The following GPATCH1 variants were observed in gnomAD, a reference collection of about 807,000 sequenced individuals.
GPATCH1 encodes the protein G patch domain-containing protein 1.
GPATCH1 carries 73 observed loss-of-function variants against 114.9 expected under a neutral mutation model. The observed-to-expected ratio is 0.64, with a 90% CI of 0.53 to 0.77. The LOEUF (loss-of-function observed/expected upper bound fraction) is 0.77. Among genes scored for constraint, GPATCH1 ranks in the 30% least tolerant of loss-of-function variants. The pLI is 0.00. For missense variants in GPATCH1, 1,058 were observed against 1,144.3 expected, an observed-to-expected ratio of 0.92 and a Z score of 1.09; for synonymous variants, 391 against 428.4, an observed-to-expected ratio of 0.91 and a Z score of 1.08.
chr19:33,125,675 C>A (rs929835825), intron 18 of GPATCH1, among the ~76,000 whole-genome samples: 1 of 151,956 alleles, frequency 6.6e-6, no homozygotes, highest in Admixed American at 6.6e-5. Flanking sequence ...CATGCCCAGC[C>A]CTTAAAAAAA....
In GPATCH1 at chr19:33,093,500, G is replaced by A; in HGVS notation, c.436G>A (p.Asp146Asn). 1 of 1,613,800 alleles carries A rather than the reference G, an allele frequency of 6.2e-7. No individual in the cohort carries two copies. Among genetic ancestry groups the A allele is most frequent in the Non-Finnish European group, 8.5e-7 (1 of 1,179,852 alleles). The stretch of plus-strand genomic sequence containing the variant: ...TATTCCTGGAGCCACCCTCCTTGAT[G>A]ACCTCATAACGCCAGCAAAGTGAGC... ...APIPGATLLDDLITPAKLSVG... is the reference protein window; with the variant it reads ...APIPGATLLDNLITPAKLSVG... Residue 146 changes from aspartate to asparagine, a missense_variant, in exon 4 of 20, where the codon GAC (aspartate) becomes AAC (asparagine). Physicochemically the swap from Asp to Asn is conservative, Grantham distance 23 (BLOSUM62 1). This residue lies in a region of GPATCH1 where 893 missense variants were observed against 977.4 expected (regional missense o/e 0.91). Transcript: ENST00000170564.
chr19:33,130,259 A>C lies in GPATCH1; in HGVS notation c.*99A>C. ...CATTGTACAGAGTGTATTTATATGT[A>C]AATTCCTGCTGTAAAATAATTTTTA... On this transcript the variant is annotated 3_prime_UTR_variant, in exon 20 of 20. Coordinates refer to ENST00000170564, the MANE Select transcript of GPATCH1 (RefSeq NM_018025.3). 1 of 720,762 alleles carries C rather than the reference A, an allele frequency of 1.4e-6. No individual in the cohort carries two copies. The highest frequency in any genetic ancestry group is 2.5e-4 in the Middle Eastern group (1 of 4,006). 44.6% of individuals were successfully genotyped at this position (720,762 alleles called of 1,614,324 possible). A position where few individuals can be genotyped will look rare whatever the true frequency, so the allele number is the denominator to read the frequency against.
rs377121319 is a variant in GPATCH1, at chr19:33,117,814, T to C, written c.2197-11T>C. 9.4e-6 allele frequency: 15 copies of C among 1,599,206 alleles called. No individual in the cohort carries two copies. The African/African-American group carries it at 1.7e-4, about 19-fold the overall frequency. On this transcript the variant is annotated splice_polypyrimidine_tract_variant and intron_variant, in intron 15 of 19. Transcript: ENST00000170564. ...TCTGTATCCCTGACTCTTATTTCAC[T>C]GTCAATACAGACCGTCAACAAAGAT...
intron 1 of GPATCH1, among the ~76,000 whole-genome samples, chr19:33,081,954 C>T (rs1223006202): frequency 8.2e-6 from 1 of 121,924 alleles, no homozygotes; most frequent in Non-Finnish European, 1.7e-5. Context: ...GTGATCCTCT[C>T]GCTTCTGCCT....
chr19:33,122,882 T>G lies in GPATCH1; in HGVS notation c.2522-2223T>G, dbSNP rs117440881. Among the ~76,000 whole-genome samples, 19 of 150,684 alleles carry G rather than the reference T, an allele frequency of 1.3e-4. No homozygotes were observed. In the East Asian group the frequency reaches 3.8e-3, roughly 30 times the overall value. The stretch of plus-strand genomic sequence containing the variant: ...GAGTTTGAGGCCAGCCTGGGCAACA[T>G]AGAGAGATTGTATCTCTTAAAAAAA... On this transcript the variant is annotated intron_variant, in intron 17 of 19. Transcript: ENST00000170564.
intron 18 of GPATCH1, 43 bp downstream of exon 18, chr19:33,125,245 C>T (rs570025868): frequency 3.2e-6 from 5 of 1,564,088 alleles, no homozygotes; most frequent in Non-Finnish European, 4.3e-6. Context: ...TGGGGTGGGA[C>T]CCGCTGGTCA....
intron 3 of GPATCH1, among the ~76,000 whole-genome samples, chr19:33,092,287 G>T (rs1167469177): frequency 1.3e-5 from 2 of 151,810 alleles, no homozygotes; most frequent in Non-Finnish European, 2.9e-5. Flanking sequence ...CTGACCTCAG[G>T]TGATCCACCC....
At chr19:33,097,938 A>G (rs1042885712) in intron 8 of GPATCH1, 36 bp downstream of exon 8, 7 of 1,603,858 alleles carry the variant, frequency 4.4e-6, no homozygotes, top group Non-Finnish European at 6.0e-6. Flanking sequence ...GGCAGGACCA[A>G]GTGTCAGGGT....
chr19:33,107,352 C>T (rs775031148), intron 10 of GPATCH1, among the ~76,000 whole-genome samples: 6 of 152,186 alleles, frequency 3.9e-5, no homozygotes, highest in Non-Finnish European at 5.9e-5. Flanking sequence ...CCTCTGCGCC[C>T]AGCCAAGGCT....
rs908034300 is a variant in GPATCH1, at chr19:33,094,093, G to A, written c.456-79G>A. 8.7e-5 allele frequency: 71 copies of A among 814,462 alleles called. 1 individual carries two copies. The Admixed American group carries it at 1.3e-3, about 15-fold the overall frequency. The allele number at this position is 814,462 out of a possible 1,614,324, so 50.5% of individuals were successfully genotyped here. ...GCAAGACAGGCCTAGGAACTGAGCA[G>A]GAACTCAGAAGCCGCTTATTTCATA... On this transcript the variant is annotated intron_variant, in intron 4 of 19. Coordinates refer to ENST00000170564, the MANE Select transcript of GPATCH1 (RefSeq NM_018025.3).
chr19:33,120,755 C>T (rs185539428), intron 17 of GPATCH1, among the ~76,000 whole-genome samples: 16 of 151,586 alleles, frequency 1.1e-4, no homozygotes, highest in Admixed American at 7.9e-4. Context: ...TTTGGGAGGT[C>T]GAGGTGGGCA....
intron 15 of GPATCH1, among the ~76,000 whole-genome samples, chr19:33,116,869 C>T (rs1003206420): frequency 2.0e-5 from 3 of 151,860 alleles, no homozygotes; most frequent in African/African-American, 4.8e-5. Flanking sequence ...TCCGGGGTTT[C>T]GTGATTTCTG....
At chr19:33,105,066 G>T (rs1378357849) in intron 9 of GPATCH1, among the ~76,000 whole-genome samples, 1 of 151,902 alleles carries the variant, frequency 6.6e-6, no homozygotes, top group Non-Finnish European at 1.5e-5. Flanking sequence ...TTAAATTCCT[G>T]TCCCCACTCC....
intron 8 of GPATCH1, among the ~76,000 whole-genome samples, chr19:33,100,813 C>T (rs1213970887): frequency 6.6e-6 from 1 of 150,400 alleles, no homozygotes; most frequent in African/African-American, 2.5e-5. Flanking sequence ...CTTTTGAGTG[C>T]AGAGAATACA....
At chr19:33,114,104 C>A in intron 14 of GPATCH1, 149 bp from the exon 15 acceptor site, 1 of 895,260 alleles carries the variant, frequency 1.1e-6, no homozygotes, top group Non-Finnish European at 1.7e-6. Flanking sequence ...GGCTCTGTCT[C>A]TGCCTCTGCC....
At chr19:33,083,792 T>G (rs368393822) in intron 1 of GPATCH1, among the ~76,000 whole-genome samples, 22 of 152,144 alleles carry the variant, frequency 1.4e-4, no homozygotes, top group African/African-American at 5.1e-4. Flanking sequence ...AATACAAGTT[T>G]TTGAGGATTG....
intron 2 of GPATCH1, among the ~76,000 whole-genome samples, chr19:33,089,029 G>T (rs9304844): frequency 0.42 from 63,216 of 151,990 alleles, 16,599 homozygotes; most frequent in African/African-American, 0.73. Context: ...CTTGTATCTT[G>T]TTCATTGATT....
chr19:33,081,874 A>AATTACACAGTGTAG (rs1393921482), intron 1 of GPATCH1, among the ~76,000 whole-genome samples: 2 of 147,792 alleles, frequency 1.4e-5, no homozygotes, highest in Admixed American at 7.3e-5. Flanking sequence ...ACAGGGAGGG[A>AATTACACAGTGTAG]TATATATATG....
chr19:33,118,927 C>T lies in GPATCH1; in HGVS notation c.2414-83C>T, dbSNP rs977165556. 1.9e-5 allele frequency: 15 copies of T among 778,160 alleles called. No homozygotes were observed. In the African/African-American group the frequency reaches 2.6e-4, roughly 14 times the overall value. The allele number at this position is 778,160 out of a possible 1,614,324, so 48.2% of individuals were successfully genotyped here. A position where few individuals can be genotyped will look rare whatever the true frequency, so the allele number is the denominator to read the frequency against. ...AGTGGTGTGGGCAAGCATATGTTAT[C>T]TGGTGGCAAAAGACATGAATGAAAG... On this transcript the variant is annotated intron_variant, in intron 16 of 19. Coordinates refer to ENST00000170564, the MANE Select transcript of GPATCH1 (RefSeq NM_018025.3).
Sources: allele counts gnomAD v4.1 joint callset (sites outside exome capture counted in the v4.1 genomes callset), GRCh38; gene constraint gnomAD v4.1.1; regional missense constraint gnomAD v4.1.1; transcripts MANE v1.5; gene names NCBI Gene and HGNC (gene_info 2026-07-23, HGNC 2026-07-21).